POU6F2: variants seen among roughly 807,000 people sequenced by gnomAD.
POU6F2 encodes the protein POU domain, class 6, transcription factor 2.
In POU6F2, 31 loss-of-function variants were observed where a neutral mutation model predicts 71.3. That is an observed-to-expected ratio of 0.43 (90% confidence interval 0.33 to 0.59). The LOEUF (loss-of-function observed/expected upper bound fraction) is 0.59, where lower values mean the gene tolerates loss of function less well. Among genes scored for constraint, POU6F2 ranks in the 20% least tolerant of loss-of-function variants. The probability of loss-of-function intolerance (pLI) is 0.04; values close to 1 mark genes in which losing one functional copy is unlikely to be tolerated. For synonymous variants in POU6F2, 347 were observed against 355.7 expected (o/e 0.98, Z 0.27); for missense variants, 783 against 856.8 (o/e 0.91, Z 1.07).
chr7:39,039,937 G>C (rs1404988057), intron 1 of POU6F2, among the ~76,000 whole-genome samples: 2 of 127,196 alleles, frequency 1.6e-5, no homozygotes, highest in Non-Finnish European at 3.6e-5. Context: ...GCAGGTGTCT[G>C]GAATCCTGGG....
intron 2 of POU6F2, among the ~76,000 whole-genome samples, chr7:39,144,702 C>T (rs960343982): frequency 6.6e-6 from 1 of 152,204 alleles, no homozygotes; most frequent in South Asian, 2.1e-4. Context: ...CGGGAATCAT[C>T]AACTATCTTT....
At chr7:39,327,896 G>A (rs1037034047) in intron 4 of POU6F2, among the ~76,000 whole-genome samples, 1 of 151,274 alleles carries the variant, frequency 6.6e-6, no homozygotes, top group Non-Finnish European at 1.5e-5. Context: ...AAATGAGTTT[G>A]GTCAGTATTG....
chr7:39,277,956 C>T (rs906442738), intron 4 of POU6F2, among the ~76,000 whole-genome samples: 2 of 152,000 alleles, frequency 1.3e-5, no homozygotes, highest in Non-Finnish European at 2.9e-5. Context: ...ACTTGGGAGG[C>T]TGAGTCAGGA....
chr7:39,459,544 G>A (rs1169771813), intron 8 of POU6F2, among the ~76,000 whole-genome samples: 1 of 152,074 alleles, frequency 6.6e-6, no homozygotes, highest in Non-Finnish European at 1.5e-5. Context: ...GAGTAATATA[G>A]TCTGCCACAG....
intron 2 of POU6F2, among the ~76,000 whole-genome samples, chr7:39,143,520 C>A (rs1243673383): frequency 6.6e-6 from 1 of 152,136 alleles, no homozygotes; most frequent in African/African-American, 2.4e-5. Flanking sequence ...GCATTCTATG[C>A]AAAAGAGATA....
chr7:39,451,415 G>A, intron 7 of POU6F2, 118 bp from the exon 8 acceptor site: 1 of 1,133,580 alleles, frequency 8.8e-7, no homozygotes, highest in South Asian at 1.7e-5. Context: ...CACTCTTCCT[G>A]AGAAGTATAT....
intron 2 of POU6F2, among the ~76,000 whole-genome samples, chr7:39,090,470 A>G (rs539547550): frequency 6.6e-6 from 1 of 152,142 alleles, no homozygotes; most frequent in East Asian, 1.9e-4. Context: ...CCTCATGCCC[A>G]TGCATCAGTG....
At chr7:39,172,922 C>G (rs561663342) in intron 2 of POU6F2, among the ~76,000 whole-genome samples, 234 of 143,558 alleles carry the variant, frequency 1.6e-3, no homozygotes, top group African/African-American at 5.1e-3. Context: ...CGTGCCTGGC[C>G]TCCAGGTCCC....
intron 3 of POU6F2, among the ~76,000 whole-genome samples, chr7:39,205,289 C>A (rs1281221149): frequency 1.3e-5 from 2 of 152,098 alleles, no homozygotes; most frequent in Non-Finnish European, 2.9e-5. Flanking sequence ...ATGCTTGTAA[C>A]ATTGTGTGTG....
At chr7:39,314,205 G>A (rs1242390662) in intron 4 of POU6F2, among the ~76,000 whole-genome samples, 2 of 152,176 alleles carry the variant, frequency 1.3e-5, no homozygotes, top group African/African-American at 4.8e-5. Flanking sequence ...CCCGGCGTGT[G>A]GGAGTCCAGC....
At chr7:39,205,479 A>G (rs922457740) in intron 3 of POU6F2, among the ~76,000 whole-genome samples, 2 of 151,844 alleles carry the variant, frequency 1.3e-5, no homozygotes, top group African/African-American at 4.8e-5. Context: ...GAGCCCACAA[A>G]TCCTATTTTT....
At chr7:39,061,614 C>T (rs1790657845) in intron 1 of POU6F2, among the ~76,000 whole-genome samples, 1 of 151,946 alleles carries the variant, frequency 6.6e-6, no homozygotes, top group Non-Finnish European at 1.5e-5. Context: ...TATAAAAAAT[C>T]TTGTTTGTTA....
intron 1 of POU6F2, among the ~76,000 whole-genome samples, chr7:39,036,124 GTCTC>G (rs1475489797): frequency 6.6e-6 from 1 of 152,134 alleles, no homozygotes; most frequent in Admixed American, 6.6e-5. Context: ...AGTACAGGCT[GTCTC>G]TCTGTCTGTG....
chr7:39,116,822 G>A (rs895242161), intron 2 of POU6F2, among the ~76,000 whole-genome samples: 4 of 151,992 alleles, frequency 2.6e-5, no homozygotes, highest in African/African-American at 9.7e-5. Flanking sequence ...TTTACACCAA[G>A]ATTTTTGTCT....
intron 2 of POU6F2, among the ~76,000 whole-genome samples, chr7:39,157,110 CCG>C: frequency 6.6e-6 from 1 of 152,084 alleles, no homozygotes; most frequent in African/African-American, 2.4e-5. Context: ...GAATTGAATA[CCG>C]AGGCAGAGCA....
At chr7:39,037,313 ATAAAT>A (rs1790088255) in intron 1 of POU6F2, among the ~76,000 whole-genome samples, 1 of 152,016 alleles carries the variant, frequency 6.6e-6, no homozygotes. Context: ...AATTGAGCAC[ATAAAT>A]TAAAGTGTCC....
At chr7:39,004,520 C>T (rs1013669615) in intron 1 of POU6F2, among the ~76,000 whole-genome samples, 17 of 152,312 alleles carry the variant, frequency 1.1e-4, no homozygotes, top group Middle Eastern at 3.4e-3. Flanking sequence ...ATTGTTTAGG[C>T]ATCTTTGGAC....
chr7:39,344,888 A>G (rs943721820), intron 5 of POU6F2, among the ~76,000 whole-genome samples: 1 of 152,106 alleles, frequency 6.6e-6, no homozygotes, highest in South Asian at 2.1e-4. Context: ...GAACTCAGAC[A>G]TCTCTCTACC....
chr7:39,301,624 C>G (rs1231228511), intron 4 of POU6F2, among the ~76,000 whole-genome samples: 1 of 152,080 alleles, frequency 6.6e-6, no homozygotes, highest in Non-Finnish European at 1.5e-5. Context: ...TTTTTTGGAC[C>G]CTTATTCCAT....
Sources: allele counts gnomAD v4.1 joint callset (sites outside exome capture counted in the v4.1 genomes callset), GRCh38; gene constraint gnomAD v4.1.1; transcripts MANE v1.5; gene names NCBI Gene and HGNC (gene_info 2026-07-23, HGNC 2026-07-21).